The following DIAPH2 variants were observed in gnomAD, a reference collection of about 807,000 sequenced individuals.
DIAPH2 encodes the protein diaphanous related formin 2.
Under a neutral mutation model 92.7 loss-of-function variants are expected in DIAPH2, and 35 were observed. That is an observed-to-expected ratio of 0.38 (90% confidence interval 0.29 to 0.50). DIAPH2 has a LOEUF of 0.50. DIAPH2 is among the 20% of genes least tolerant of loss of function. DIAPH2 has a pLI of 0.94. For missense variants in DIAPH2, 701 were observed against 819.5 expected (o/e 0.86, Z 1.77); for synonymous variants, 301 against 280.4 (o/e 1.07, Z -0.73).
intron 26 of DIAPH2, among the ~76,000 whole-genome samples, chrX:97,487,786 T>TG (rs913494794): frequency 3.8e-4 from 42 of 111,071 alleles, no homozygotes; most frequent in Middle Eastern, 4.7e-3. Context: ...ACATTTTTTT[T>TG]TTGTTGTTAA....
intron 17 of DIAPH2, among the ~76,000 whole-genome samples, chrX:97,011,857 A>G (rs1602714182): frequency 1.1e-5 from 1 of 88,394 alleles, no homozygotes; most frequent in East Asian, 3.6e-4. Flanking sequence ...GCATCACTGC[A>G]CTCCAGCCTG....
chrX:96,904,392 G>A (rs934910000), intron 5 of DIAPH2, among the ~76,000 whole-genome samples: 2 of 111,976 alleles, frequency 1.8e-5, no homozygotes, highest in Non-Finnish European at 3.8e-5. Context: ...TAGTTTCCAA[G>A]GACATTCAAA....
intron 13 of DIAPH2, among the ~76,000 whole-genome samples, chrX:96,944,323 A>G (rs765939246): frequency 6.3e-5 from 7 of 111,768 alleles, no homozygotes; most frequent in Non-Finnish European, 1.1e-4. Context: ...TTTCCTCCTC[A>G]GTTGCTTTAA....
chrX:97,373,490 T>C (rs780615002), intron 24 of DIAPH2, among the ~76,000 whole-genome samples: 17 of 108,998 alleles, frequency 1.6e-4, no homozygotes, highest in African/African-American at 5.3e-4. Context: ...TTTTATGTTA[T>C]GAAGACTACA....
At chrX:96,932,104 G>A (rs1026759605) in intron 10 of DIAPH2, among the ~76,000 whole-genome samples, 13 of 109,947 alleles carry the variant, frequency 1.2e-4, no homozygotes, top group Admixed American at 6.8e-4. Context: ...AAAGATAATC[G>A]TATGGTCTTG....
chrX:97,253,084 T>C (rs2068202625), intron 23 of DIAPH2, among the ~76,000 whole-genome samples: 1 of 108,170 alleles, frequency 9.2e-6, no homozygotes, highest in Non-Finnish European at 1.9e-5. Context: ...AGGTCAGGAG[T>C]TCAAGACCAG....
In DIAPH2 at chrX:96,777,040, C is replaced by T. The variant is rs953020722; in HGVS notation, c.447+18782C>T. Among the ~76,000 whole-genome samples, 4 of 111,830 alleles carry T rather than the reference C, an allele frequency of 3.6e-5. 1 individual carries two copies. The highest frequency in any genetic ancestry group is 6.5e-5 in the African/African-American group (2 of 30,863). On this transcript the variant is annotated intron_variant, in intron 4 of 26. Transcript: ENST00000324765. ...TGAATTCCTATTTTATTATAAGGTA[C>T]ACTGATACAGATAATTTTGGTAGAT... is the stretch of plus-strand genomic sequence containing the variant.
intron 24 of DIAPH2, among the ~76,000 whole-genome samples, chrX:97,370,636 G>A (rs1157193417): frequency 9.0e-6 from 1 of 111,729 alleles, no homozygotes; most frequent in Non-Finnish European, 1.9e-5. Flanking sequence ...TTCCCTAAGA[G>A]TTATGCAGCA....
At chrX:97,265,789 A>G (rs1350535708) in intron 23 of DIAPH2, among the ~76,000 whole-genome samples, 8 of 111,976 alleles carry the variant, frequency 7.1e-5, no homozygotes, top group Non-Finnish European at 1.1e-4. Context: ...GTTGGCCAGG[A>G]TAAGGAGTTT....
rs1315437296 is a variant in DIAPH2, at chrX:96,993,465, AT to A, written c.2050+28259del. The stretch of plus-strand genomic sequence containing the variant: ...TGGGGAAGGCCTCAGGAAACTTATA[AT>A]CATGGCAGAAGGCACAGTGGAAGCA... On this transcript the variant is annotated intron_variant, in intron 17 of 26. Transcript: ENST00000324765. 2.7e-5 allele frequency among the ~76,000 whole-genome samples: 3 copies of A among 112,072 alleles called. No homozygotes were observed. In the Admixed American group the frequency reaches 2.8e-4, roughly 11 times the overall value.
intron 25 of DIAPH2, among the ~76,000 whole-genome samples, chrX:97,412,557 G>C (rs1368483740): frequency 2.7e-5 from 3 of 111,826 alleles, no homozygotes; most frequent in Non-Finnish European, 5.6e-5. Flanking sequence ...TAAGATCAGA[G>C]CAGAACTGAA....
intron 22 of DIAPH2, among the ~76,000 whole-genome samples, chrX:97,212,473 T>G (rs1452388610): frequency 9.0e-6 from 1 of 111,292 alleles, no homozygotes; most frequent in Non-Finnish European, 1.9e-5. Flanking sequence ...TCTACCTTGT[T>G]TAAATAGCTT....
chrX:97,427,979 G>A (rs755329367), intron 25 of DIAPH2, among the ~76,000 whole-genome samples: 86 of 110,743 alleles, frequency 7.8e-4, no homozygotes, highest in African/African-American at 2.6e-3. Flanking sequence ...GAGCCACCAC[G>A]CCCAGCCTCT....
chrX:96,767,161 A>T (rs1011384221), intron 4 of DIAPH2, among the ~76,000 whole-genome samples: 1 of 111,078 alleles, frequency 9.0e-6, no homozygotes, highest in Non-Finnish European at 1.9e-5. Context: ...TATAGTTCCT[A>T]TTTCTTTATA....
chrX:96,994,726 C>T (rs1266662024), intron 17 of DIAPH2, among the ~76,000 whole-genome samples: 1 of 111,135 alleles, frequency 9.0e-6, no homozygotes, highest in African/African-American at 3.3e-5. Context: ...AAGCAAGGCA[C>T]CTTCTTCACA....
intron 1 of DIAPH2, among the ~76,000 whole-genome samples, chrX:96,690,929 C>T (rs1051708370): frequency 1.1e-4 from 12 of 111,564 alleles, no homozygotes; most frequent in South Asian, 3.7e-4. Flanking sequence ...AGAAATTATC[C>T]GTAGCACTGA....
chrX:96,960,850 G>A (rs1474453264), intron 16 of DIAPH2, among the ~76,000 whole-genome samples: 1 of 112,108 alleles, frequency 8.9e-6, no homozygotes, highest in African/African-American at 3.2e-5. Context: ...CATCTGTTGA[G>A]ATAATTATAT....
At chrX:96,707,683 C>T (rs893687999) in intron 1 of DIAPH2, among the ~76,000 whole-genome samples, 1 of 109,466 alleles carries the variant, frequency 9.1e-6, no homozygotes, top group Non-Finnish European at 1.9e-5. Flanking sequence ...CATATGTACT[C>T]GTCTCAAAAG....
chrX:96,729,645 C>T (rs1362819938), intron 1 of DIAPH2, among the ~76,000 whole-genome samples: 4 of 112,163 alleles, frequency 3.6e-5, no homozygotes, highest in Non-Finnish European at 5.6e-5. Flanking sequence ...AAACCCTATA[C>T]TGTGATGTCA....
Sources: gnomAD v4.1 joint callset for allele counts (sites outside exome capture counted in the v4.1 genomes callset) on GRCh38, gnomAD v4.1.1 for gene constraint, MANE v1.5 for transcripts, NCBI Gene and HGNC (gene_info 2026-07-23, HGNC 2026-07-21) for gene names.